The following PTPRG variants were observed in gnomAD, a reference collection of about 807,000 sequenced individuals.
The protein encoded by PTPRG is receptor-type tyrosine-protein phosphatase gamma.
PTPRG carries 102 observed loss-of-function variants against 165.3 expected under a neutral mutation model. That is an observed-to-expected ratio of 0.62 (90% CI 0.53 to 0.73). PTPRG has a LOEUF of 0.73. Ranked by LOEUF, PTPRG falls within the 30% of genes least tolerant of loss-of-function variation. PTPRG has a pLI of 0.00. For missense variants in PTPRG, 1,866 were observed against 1,861.4 expected (o/e 1.00, Z -0.05); for synonymous variants, 675 against 669.5 (o/e 1.01, Z -0.13).
At chr3:61,800,571 T>A (rs1252043141) in intron 2 of PTPRG, among the ~76,000 whole-genome samples, 1 of 151,996 alleles carries the variant, frequency 6.6e-6, no homozygotes, top group East Asian at 1.9e-4. Flanking sequence ...GTGTTTCAAG[T>A]TGGGTGAAGA....
chr3:61,846,446 A>G lies in PTPRG; in HGVS notation c.190+97464A>G, dbSNP rs1191688865. 4.6e-5 allele frequency among the ~76,000 whole-genome samples: 7 copies of G among 152,254 alleles called. No individual in the cohort carries two copies. The South Asian group carries it at 1.0e-3, about 23-fold the overall frequency. On this transcript the variant is annotated intron_variant, in intron 2 of 29. Coordinates refer to ENST00000474889, the MANE Select transcript of PTPRG (RefSeq NM_002841.4). The stretch of plus-strand genomic sequence containing the variant: ...GGCTTCAGAGTCAAAAAAAACACCC[A>G]TCTGGATTCCCTTCCTGACTCTGAG...
chr3:62,158,775 T>G (rs887263179), intron 7 of PTPRG, among the ~76,000 whole-genome samples: 2 of 152,200 alleles, frequency 1.3e-5, no homozygotes, highest in Non-Finnish European at 2.9e-5. Context: ...ATCATTTTAC[T>G]TTCAGATTTT....
At chr3:61,742,730 C>A (rs999657735) in intron 1 of PTPRG, 26 of 1,609,912 alleles carry the variant, frequency 1.6e-5, no homozygotes, top group Non-Finnish European at 2.0e-5. Context: ...TTATTTAGAC[C>A]TGGGCCGAGG....
At chr3:61,805,298 C>T (rs1217436002) in intron 2 of PTPRG, among the ~76,000 whole-genome samples, 2 of 152,100 alleles carry the variant, frequency 1.3e-5, no homozygotes, top group African/African-American at 4.8e-5. Flanking sequence ...ATGCACTGGA[C>T]TGTCCCCACA....
At chr3:61,668,128 C>G (rs959768886) in intron 1 of PTPRG, among the ~76,000 whole-genome samples, 1 of 152,102 alleles carries the variant, frequency 6.6e-6, no homozygotes, top group Non-Finnish European at 1.5e-5. Context: ...GTCTGCCTAC[C>G]CATACAGAAG....
intron 15 of PTPRG, among the ~76,000 whole-genome samples, chr3:62,253,106 A>G (rs1701458439): frequency 6.6e-6 from 1 of 152,230 alleles, no homozygotes; most frequent in South Asian, 2.1e-4. Flanking sequence ...GAAAAAAACA[A>G]TAAGCAGTTA....
intron 2 of PTPRG, among the ~76,000 whole-genome samples, chr3:61,864,080 C>G (rs1310357849): frequency 6.6e-6 from 1 of 152,188 alleles, no homozygotes; most frequent in Non-Finnish European, 1.5e-5. Context: ...CACAGCTCTT[C>G]ACATTTGTAC....
chr3:61,636,867 T>A (rs1479466064), intron 1 of PTPRG, among the ~76,000 whole-genome samples: 1 of 152,192 alleles, frequency 6.6e-6, no homozygotes, highest in Non-Finnish European at 1.5e-5. Flanking sequence ...CTTGGTAAAA[T>A]CTCATACTGT....
Position 62,296,915 on chromosome 3 carries a change from T to TAAAC in PTPRG, c.*3610_*3613dup, listed in dbSNP as rs1253409955. 1 of 152,034 alleles carries TAAAC rather than the reference T, an allele frequency of 6.6e-6. No homozygotes were observed. Among genetic ancestry groups the TAAAC allele is most frequent in the East Asian group, 1.9e-4 (1 of 5,194 alleles). The allele number at this position is 152,034 out of a possible 1,614,324, so 9.4% of individuals were successfully genotyped here. ...GAAAAATATCTTGAGTTTTAAGAAA[T>TAAAC]AAACATCTCCAGAAAAGGAGAAAGT... is the stretch of plus-strand genomic sequence containing the variant. On this transcript the variant is annotated 3_prime_UTR_variant, in exon 30 of 30. Coordinates refer to ENST00000474889, the MANE Select transcript of PTPRG (RefSeq NM_002841.4).
At chr3:61,587,439 T>C (rs1700458419) in intron 1 of PTPRG, among the ~76,000 whole-genome samples, 1 of 152,180 alleles carries the variant, frequency 6.6e-6, no homozygotes, top group South Asian at 2.1e-4. Context: ...CAGTTTAAGT[T>C]GCAGCCGTGA....
chr3:62,275,830 A>T, intron 23 of PTPRG, 43 bp from the exon 24 acceptor site: 3 of 1,445,612 alleles, frequency 2.1e-6, no homozygotes, highest in Non-Finnish European at 2.9e-6. Flanking sequence ...AATGCTATCA[A>T]TTATATCTTT....
intron 1 of PTPRG, among the ~76,000 whole-genome samples, chr3:61,690,526 A>G (rs2106653640): frequency 6.6e-6 from 1 of 152,344 alleles, no homozygotes; most frequent in South Asian, 2.1e-4. Context: ...GACAGGTTAA[A>G]CAAACATTCA....
At chr3:61,764,524 G>A (rs2033954669) in intron 2 of PTPRG, among the ~76,000 whole-genome samples, 1 of 152,172 alleles carries the variant, frequency 6.6e-6, no homozygotes, top group Non-Finnish European at 1.5e-5. Flanking sequence ...GTAAAGTGAG[G>A]TGGTGCCTAG....
chr3:62,112,055 A>C (rs1205465227), intron 5 of PTPRG, among the ~76,000 whole-genome samples: 3 of 152,138 alleles, frequency 2.0e-5, no homozygotes, highest in African/African-American at 7.2e-5. Flanking sequence ...GTTGTACCAG[A>C]AACACCATGG....
rs74808032 is a variant in PTPRG at position 62,104,487 on chromosome 3, A to G, written c.615+26229A>G. ...TTATCTGAAAATTGTCTTTCTCTGG[A>G]TAATTATCTTGACTTTATTTATTTG... On this transcript the variant is annotated intron_variant, in intron 5 of 29. Transcript: ENST00000474889. 4.0e-3 allele frequency among the ~76,000 whole-genome samples: 604 copies of G among 152,264 alleles called. 1 individual carries two copies. The highest frequency in any genetic ancestry group is 0.014 in the African/African-American group (591 of 41,552).
At chr3:62,073,001 G>A (rs974322086) in intron 4 of PTPRG, among the ~76,000 whole-genome samples, 2 of 152,172 alleles carry the variant, frequency 1.3e-5, no homozygotes, top group Admixed American at 1.3e-4. Context: ...ACGTGGCAGA[G>A]TGACAGGGAA....
Position 62,214,407 on chromosome 3 carries a change from G to C in PTPRG, c.2156-4444G>C, listed in dbSNP as rs1700447051. 2.0e-5 allele frequency among the ~76,000 whole-genome samples: 3 copies of C among 152,172 alleles called. No homozygotes were observed. In the South Asian group the frequency reaches 6.2e-4, roughly 31 times the overall value. ...TGCCAGGCAACATTCTAAGTGTTTT[G>C]TATGCATTAACTCATTTAATCTTCA... On this transcript the variant is annotated intron_variant, in intron 12 of 29. Coordinates refer to ENST00000474889, the MANE Select transcript of PTPRG (RefSeq NM_002841.4). The surrounding 1 kb of genome is among the most constrained non-coding windows in gnomAD (Gnocchi z 5.2).
At position 61,989,626 on chromosome 3, in the gene PTPRG, T is replaced by A. The variant is rs2040835801; in HGVS notation, c.192T>A (p.Gly64=). ...ASGDPYWAYS[G]AYGPEHWVTS... is the part of the protein sequence containing the mutation. ...TGAAGTGTTGTCTTCTTTCAACAGG[T>A]GCCTATGGTCCTGAGCACTGGGTCA... The change falls in exon 3 of 30, where the codon GGT becomes GGA. Residue 64 remains glycine, a splice_region_variant and synonymous_variant. Transcript: ENST00000474889. The A allele has an allele frequency of 6.2e-7, 1 of 1,612,202 alleles. No individual in the cohort carries two copies. The highest frequency in any genetic ancestry group is 8.5e-7 in the Non-Finnish European group (1 of 1,179,404).
At chr3:62,100,595 C>G (rs895346684) in intron 5 of PTPRG, among the ~76,000 whole-genome samples, 2 of 150,104 alleles carry the variant, frequency 1.3e-5, no homozygotes, top group African/African-American at 4.9e-5. Flanking sequence ...AATCATAAGC[C>G]AAAAAAACAA....
Sources: gnomAD v4.1 joint callset for allele counts (sites outside exome capture counted in the v4.1 genomes callset) on GRCh38, gnomAD v4.1.1 for gene constraint, Gnocchi (gnomAD v3.1) non-coding constraint, MANE v1.5 for transcripts, NCBI Gene and HGNC (gene_info 2026-07-23, HGNC 2026-07-21) for gene names.